Variants in ULK4 observed in about 807,000 individuals in gnomAD.
ULK4 encodes the protein unc-51 like kinase 4.
ULK4 carries 133 observed loss-of-function variants against 160.6 expected under a neutral mutation model. That is an observed-to-expected ratio of 0.83 (90% CI 0.72 to 0.96). The LOEUF (loss-of-function observed/expected upper bound fraction) is 0.96, where lower values mean the gene tolerates loss of function less well. Ranked by LOEUF, ULK4 falls within the 40% of genes least tolerant of loss-of-function variation. ULK4 has a pLI of 0.00. For synonymous variants in ULK4, 534 were observed against 539.8 expected (o/e 0.99, Z 0.15); for missense variants, 1,580 against 1,499.5 (o/e 1.05, Z -0.89).
intron 32 of ULK4, among the ~76,000 whole-genome samples, chr3:41,548,754 G>T (rs2086957577): frequency 6.8e-6 from 1 of 147,254 alleles, no homozygotes; most frequent in Admixed American, 7.0e-5. Context: ...TAATACTGGT[G>T]CCCACCTATA....
intron 17 of ULK4, among the ~76,000 whole-genome samples, chr3:41,843,407 G>A (rs7642083): frequency 0.31 from 47,863 of 152,062 alleles, 11,086 homozygotes; most frequent in African/African-American, 0.66. Flanking sequence ...GGACCCTCGC[G>A]GTGAGTGTTA....
intron 35 of ULK4, among the ~76,000 whole-genome samples, chr3:41,343,172 A>G (rs961061848): frequency 3.9e-5 from 6 of 152,180 alleles, no homozygotes; most frequent in African/African-American, 1.4e-4. Flanking sequence ...AGTTTTGGCC[A>G]GGGCAATCAG....
At chr3:41,862,720 T>C (rs1272658601) in intron 17 of ULK4, among the ~76,000 whole-genome samples, 1 of 152,132 alleles carries the variant, frequency 6.6e-6, no homozygotes, top group African/African-American at 2.4e-5. Context: ...GACACTCTTA[T>C]TCCCTTCCCT....
intron 30 of ULK4, among the ~76,000 whole-genome samples, chr3:41,644,463 C>T (rs961777021): frequency 1.1e-4 from 16 of 151,688 alleles, no homozygotes; most frequent in African/African-American, 3.9e-4. Flanking sequence ...TGTGGTTTTT[C>T]TCTTTGGTTC....
At chr3:41,558,344 T>A (rs1473142078) in intron 32 of ULK4, among the ~76,000 whole-genome samples, 2 of 152,028 alleles carry the variant, frequency 1.3e-5, no homozygotes, top group African/African-American at 4.8e-5. Context: ...ATCACGGGGG[T>A]AAGTGCATAT....
intron 20 of ULK4, among the ~76,000 whole-genome samples, chr3:41,796,741 T>C (rs544152916): frequency 6.6e-6 from 1 of 152,340 alleles, no homozygotes; most frequent in Admixed American, 6.5e-5. Flanking sequence ...ATATATTTTA[T>C]CTAGCTTTGA....
chr3:41,662,750 C>T (rs1387050350), intron 30 of ULK4, among the ~76,000 whole-genome samples: 1 of 151,974 alleles, frequency 6.6e-6, no homozygotes, highest in East Asian at 1.9e-4. Context: ...TGTTTGAAAG[C>T]AAAAAGAACC....
intron 32 of ULK4, among the ~76,000 whole-genome samples, chr3:41,536,697 A>C (rs1429567438): frequency 6.6e-6 from 1 of 152,180 alleles, no homozygotes; most frequent in African/African-American, 2.4e-5. Context: ...ATCATCATAA[A>C]GGTCTTCATC....
chr3:41,557,110 A>G (rs1288622815), intron 32 of ULK4, among the ~76,000 whole-genome samples: 2 of 152,204 alleles, frequency 1.3e-5, no homozygotes, highest in African/African-American at 4.8e-5. Context: ...ATATAAATAG[A>G]TTCAAGGAAA....
At chr3:41,387,800 T>A (rs2081854745) in intron 35 of ULK4, among the ~76,000 whole-genome samples, 1 of 152,212 alleles carries the variant, frequency 6.6e-6, no homozygotes, top group African/African-American at 2.4e-5. Context: ...TGGTTCCAAG[T>A]CTCTGCTATT....
At chr3:41,254,490 A>G (rs1041130256) in intron 35 of ULK4, among the ~76,000 whole-genome samples, 1 of 152,252 alleles carries the variant, frequency 6.6e-6, no homozygotes, top group Admixed American at 6.5e-5. Context: ...AGGGGGCTAA[A>G]GCAATGCTTA....
At chr3:41,308,305 G>A (rs1575418721) in intron 35 of ULK4, among the ~76,000 whole-genome samples, 2 of 150,188 alleles carry the variant, frequency 1.3e-5, no homozygotes, top group East Asian at 3.9e-4. Context: ...GCGCACGAGG[G>A]ACACATCCTC....
At chr3:41,889,673 C>T (rs1038775493) in intron 16 of ULK4, among the ~76,000 whole-genome samples, 1 of 151,986 alleles carries the variant, frequency 6.6e-6, no homozygotes, top group Non-Finnish European at 1.5e-5. Context: ...TATTATGTAC[C>T]CCTGAACCTA....
intron 22 of ULK4, among the ~76,000 whole-genome samples, chr3:41,748,489 T>G (rs895718275): frequency 6.6e-6 from 1 of 152,136 alleles, no homozygotes; most frequent in Non-Finnish European, 1.5e-5. Context: ...AAATATCTCT[T>G]CCCTGGGGAA....
At chr3:41,813,184 C>G (rs2040867298) in intron 19 of ULK4, among the ~76,000 whole-genome samples, 1 of 152,126 alleles carries the variant, frequency 6.6e-6, no homozygotes, top group African/African-American at 2.4e-5. Context: ...TCAGAAAAAA[C>G]AGCTAATGCA....
At position 41,949,342 on chromosome 3, in the gene ULK4, TAA is replaced by T. The variant is rs1039743144; in HGVS notation, c.138+5278_138+5279del. Among the ~76,000 whole-genome samples, 103 of 150,282 alleles carry T rather than the reference TAA, an allele frequency of 6.9e-4. 1 individual carries two copies. Among genetic ancestry groups the T allele is most frequent in the Non-Finnish European group, 3.0e-4 (20 of 67,468 alleles). On this transcript the variant is annotated intron_variant, in intron 2 of 36. Transcript: ENST00000301831. ...CACACACACACACACACACAAAAAG[TAA>T]AGTTTCCATAAAATAAACTGTCAAA...
intron 31 of ULK4, among the ~76,000 whole-genome samples, chr3:41,569,087 G>T (rs1467645911): frequency 6.6e-6 from 1 of 152,206 alleles, no homozygotes; most frequent in African/African-American, 2.4e-5. Context: ...TGGAGCTTCT[G>T]TGTCTTCCCC....
chr3:41,741,795 T>G (rs555700394), intron 22 of ULK4, among the ~76,000 whole-genome samples: 1 of 151,448 alleles, frequency 6.6e-6, no homozygotes. Flanking sequence ...CAAGATGGAG[T>G]AGGATCAAAA....
intron 22 of ULK4, among the ~76,000 whole-genome samples, chr3:41,736,771 C>T (rs552171356): frequency 6.6e-6 from 1 of 151,256 alleles, no homozygotes; most frequent in African/African-American, 2.5e-5. Context: ...CTTGCCCATG[C>T]CTATGTCCTG....
Sources: allele counts gnomAD v4.1 joint callset (sites outside exome capture counted in the v4.1 genomes callset), GRCh38; gene constraint gnomAD v4.1.1; transcripts MANE v1.5; gene names NCBI Gene and HGNC (gene_info 2026-07-23, HGNC 2026-07-21).